Variants in RFESD observed in about 807,000 individuals in gnomAD.
RFESD encodes the protein Rieske Fe-S domain containing.
A neutral mutation model predicts 24.4 loss-of-function variants in RFESD; 16 were observed. That is an observed-to-expected ratio of 0.66 (90% CI 0.44 to 1.00). RFESD has a LOEUF of 1.00. RFESD is among the 50% of genes least tolerant of loss of function. The probability of loss-of-function intolerance (pLI) is 0.00; values close to 1 mark genes in which losing one functional copy is unlikely to be tolerated. For synonymous variants in RFESD, 59 were observed against 81.8 expected (o/e 0.72, Z 1.50); for missense variants, 208 against 247.0 (o/e 0.84, Z 1.06).
At chr5:95,651,097 C>CAAAAA (rs1006612798) in intron 1 of RFESD, among the ~76,000 whole-genome samples, 15 of 48,236 alleles carry the variant, frequency 3.1e-4, no homozygotes, top group African/African-American at 6.3e-4. Context: ...GACTCCGTCT[C>CAAAAA]AAAAAAAAAA....
chr5:95,656,001 A>G (rs371274071), intron 5 of RFESD, 45 bp from the exon 6 acceptor site: 2 of 1,578,318 alleles, frequency 1.3e-6, no homozygotes, highest in African/African-American at 1.4e-5. Context: ...TCTATCAAGA[A>G]CATTTGACAT....
At chr5:95,647,483 A>G (rs1185813487) in intron 1 of RFESD, 1 of 152,240 alleles carries the variant, frequency 6.6e-6, no homozygotes. Context: ...AATCACGCAG[A>G]ACTGGGATGC....
rs1270016165 is a variant in RFESD at position 95,652,363 on chromosome 5, T to C, written c.60+32T>C. 9.1e-6 allele frequency: 14 copies of C among 1,545,664 alleles called. No homozygotes were observed. The East Asian group carries it at 3.4e-4, about 38-fold the overall frequency. The stretch of plus-strand genomic sequence containing the variant: ...CCATAGAATTCTATGACCTGGAAAC[T>C]CCCCAGTTTTTCTCTCTAGAAATTC... On this transcript the variant is annotated intron_variant, in intron 2 of 5. Transcript: ENST00000380005.
chr5:95,657,037 A>G lies in RFESD; in HGVS notation c.*728A>G, dbSNP rs1371284914. 6.6e-6 allele frequency: 1 copy of G among 152,172 alleles called. No individual in the cohort carries two copies. The highest frequency in any genetic ancestry group is 1.5e-5 in the Non-Finnish European group (1 of 68,014). 9.4% of individuals were successfully genotyped at this position (152,172 alleles called of 1,614,324 possible). On this transcript the variant is annotated 3_prime_UTR_variant, in exon 6 of 6. Transcript: ENST00000380005. ...GCAGATCTTGAAGTAAGGAAGCCAGACACAGCTGCTGCCCAGCCATGAGAG... is the reference window on the plus strand; with the variant it reads ...GCAGATCTTGAAGTAAGGAAGCCAGGCACAGCTGCTGCCCAGCCATGAGAG...
In RFESD at chr5:95,656,179, TAA is replaced by T. The variant is rs762153374; in HGVS notation, c.505_506del (p.Lys169AlafsTer19). The T allele has an allele frequency of 3.1e-6, 5 of 1,613,964 alleles. 1 individual carries two copies. In the South Asian group the frequency reaches 4.4e-5, roughly 14 times the overall value. ...AAACCCAAGTGGTGCTCCAAAGGAA[TAA>T]AGCAAAGGATTCACACAGTGACAGT... On this transcript the variant is annotated frameshift_variant, in exon 6 of 6. Transcript: ENST00000380005. LOFTEE classifies it high-confidence loss of function.
At chr5:95,655,526 A>G (rs1450686068) in intron 5 of RFESD, 1 of 152,864 alleles carries the variant, frequency 6.5e-6, no homozygotes, top group Non-Finnish European at 1.5e-5. Flanking sequence ...ATGCATTGAA[A>G]CAAGATCCAG....
chr5:95,654,991 C>G (rs1338648423), intron 5 of RFESD, among the ~76,000 whole-genome samples: 1 of 152,114 alleles, frequency 6.6e-6, no homozygotes, highest in African/African-American at 2.4e-5. Flanking sequence ...GGGAAGTTGT[C>G]TTTGCTTCCT....
chr5:95,651,044 GCC>G (rs1212853611), intron 1 of RFESD, among the ~76,000 whole-genome samples: 1 of 144,156 alleles, frequency 6.9e-6, no homozygotes, highest in East Asian at 2.0e-4. Context: ...CTTGCAGTGA[GCC>G]CAGATGGAGC....
chr5:95,655,404 C>T (rs1226399010), intron 5 of RFESD: 1 of 152,190 alleles, frequency 6.6e-6, no homozygotes. Flanking sequence ...AGACCTTGCT[C>T]CTCAAACTGT....
At chr5:95,650,444 T>C (rs1017091095) in intron 1 of RFESD, among the ~76,000 whole-genome samples, 3 of 152,226 alleles carry the variant, frequency 2.0e-5, no homozygotes, top group Non-Finnish European at 4.4e-5. Context: ...TACAATGATA[T>C]CTGATATCTG....
chr5:95,656,135 C>A lies in RFESD; in HGVS notation c.459C>A (p.Asn153Lys), dbSNP rs187589891. 374 of 1,613,816 alleles carry A rather than the reference C, an allele frequency of 2.3e-4. 1 individual carries two copies. The East Asian group carries it at 8.0e-3, about 35-fold the overall frequency. The change falls in exon 6 of 6, where the codon AAC becomes AAA. Residue 153 changes from asparagine (N) to lysine (K), a missense_variant. By Grantham distance (94) the Asn-to-Lys change is moderately conservative. Coordinates refer to ENST00000380005, the MANE Select transcript of RFESD (RefSeq NM_001131066.2). ...ATGEGLYQSI[N>K]PKDPSAKPKW... is the part of the protein sequence containing the mutation. ...GAGAAGGTCTGTACCAGTCTATAAA[C>A]CCTAAAGATCCATCAGCAAAACCCA...
chr5:95,649,124 A>G (rs1333945141), intron 1 of RFESD, among the ~76,000 whole-genome samples: 1 of 136,910 alleles, frequency 7.3e-6, no homozygotes, highest in African/African-American at 2.5e-5. Flanking sequence ...CTTGAAAAGA[A>G]TAATTTTAAT....
At position 95,652,210 on chromosome 5, in the gene RFESD, C is replaced by A; in HGVS notation, c.-62C>A. 1 of 1,505,590 alleles carries A rather than the reference C, an allele frequency of 6.6e-7. No homozygotes were observed. Among genetic ancestry groups the A allele is most frequent in the Non-Finnish European group, 8.9e-7 (1 of 1,117,526 alleles). 93.3% of individuals were successfully genotyped at this position (1,505,590 alleles called of 1,614,324 possible). A position where few individuals can be genotyped will look rare whatever the true frequency, so the allele number is the denominator to read the frequency against. On this transcript the variant is annotated 5_prime_UTR_variant, in exon 2 of 6. Transcript: ENST00000380005. ...CTGTGAATGAATTTCATTTGATTAG[C>A]AATAGATTGGACACTCTACTGATCT... is the stretch of plus-strand genomic sequence containing the variant.
At position 95,656,138 on chromosome 5, in the gene RFESD, T is replaced by C; in HGVS notation, c.462T>C (p.Pro154=). The change falls in exon 6 of 6, where the codon CCT becomes CCC. Residue 154 remains proline (P), a synonymous_variant. Coordinates refer to ENST00000380005, the MANE Select transcript of RFESD (RefSeq NM_001131066.2). ...TGEGLYQSIN[P]KDPSAKPKWC... ...AAGGTCTGTACCAGTCTATAAACCCTAAAGATCCATCAGCAAAACCCAAGT... is the reference window on the plus strand; with the variant it reads ...AAGGTCTGTACCAGTCTATAAACCCCAAAGATCCATCAGCAAAACCCAAGT... 1 of 1,613,876 alleles carries C rather than the reference T, an allele frequency of 6.2e-7. No individual in the cohort carries two copies. Among genetic ancestry groups the C allele is most frequent in the Non-Finnish European group, 8.5e-7 (1 of 1,179,818 alleles).
At chr5:95,650,028 T>G (rs1349530338) in intron 1 of RFESD, among the ~76,000 whole-genome samples, 4 of 152,340 alleles carry the variant, frequency 2.6e-5, no homozygotes, top group Admixed American at 1.3e-4. Context: ...CAATTTGTGT[T>G]CTTTGAGTAC....
chr5:95,647,039 A>G (rs1750129886), intron 1 of RFESD: 1 of 152,276 alleles, frequency 6.6e-6, no homozygotes, highest in Non-Finnish European at 1.5e-5. Flanking sequence ...AACTTGGGCC[A>G]CACCTGAGAC....
Position 95,656,405 on chromosome 5 carries a change from T to C in RFESD, c.*96T>C. On this transcript the variant is annotated 3_prime_UTR_variant, in exon 6 of 6. Transcript: ENST00000380005. ...TTAAAGGTGATGAAATTTTTCAACA[T>C]AGGCACAACTGTTTAAAATTCACAT... 1.1e-6 allele frequency: 1 copy of C among 907,258 alleles called. No individual in the cohort carries two copies. The highest frequency in any genetic ancestry group is 1.7e-6 in the Non-Finnish European group (1 of 600,894). The allele number at this position is 907,258 out of a possible 1,614,324, so 56.2% of individuals were successfully genotyped here.
At chr5:95,650,308 G>C (rs1189365934) in intron 1 of RFESD, among the ~76,000 whole-genome samples, 2 of 152,056 alleles carry the variant, frequency 1.3e-5, no homozygotes, top group South Asian at 4.1e-4. Flanking sequence ...AGTTTGATGT[G>C]TGTAATGCCT....
At position 95,652,295 on chromosome 5, in the gene RFESD, T is replaced by C; in HGVS notation, c.24T>C (p.Cys8=). 6.5e-7 allele frequency: 1 copy of C among 1,550,304 alleles called. No homozygotes were observed. Among genetic ancestry groups the C allele is most frequent in the Admixed American group, 2.0e-5 (1 of 50,960 alleles). Residue 8 remains cysteine (C), a synonymous_variant, in exon 2 of 6, where the codon TGT becomes TGC. Transcript: ENST00000380005. The part of the protein sequence containing the change: MLKCFRN[C]LRPSSLSTLP... ...AAATGTTGAAGTGTTTCAGGAATTG[T>C]CTTAGACCTTCTTCCTTATCTACAC...
Sources: allele counts gnomAD v4.1 joint callset (sites outside exome capture counted in the v4.1 genomes callset), GRCh38; gene constraint gnomAD v4.1.1; transcripts MANE v1.5; gene names NCBI Gene and HGNC (gene_info 2026-07-23, HGNC 2026-07-21).